Variants in EPB41L1 observed in about 807,000 individuals in gnomAD.
The protein encoded by EPB41L1 is erythrocyte membrane protein band 4.1 like 1, also known as band 4.1-like protein 1.
EPB41L1 carries 29 observed loss-of-function variants against 97.8 expected under a neutral mutation model. That is an observed-to-expected ratio of 0.30 (90% CI 0.22 to 0.40). EPB41L1 has a LOEUF of 0.40. Ranked by LOEUF, EPB41L1 falls within the 10% of genes least tolerant of loss-of-function variation. The pLI, the probability that EPB41L1 is intolerant of heterozygous loss-of-function variation, is 1.00. For missense variants in EPB41L1, 812 were observed against 1,162.3 expected (o/e 0.70, Z 4.38); for synonymous variants, 383 against 459.2 (o/e 0.83, Z 2.12).
At position 36,209,769 on chromosome 20, in the gene EPB41L1, G is replaced by C; in HGVS notation, c.1950G>C (p.Ser650=). 1 of 1,614,054 alleles carries C rather than the reference G, an allele frequency of 6.2e-7. No individual in the cohort carries two copies. The highest frequency in any genetic ancestry group is 1.6e-4 in the Middle Eastern group (1 of 6,062). Residue 650 remains serine (S), a synonymous_variant, in exon 15 of 22, where the codon TCG becomes TCC. Transcript: ENST00000338074. This position sits in a 1 kb window ranked among gnomAD's most constrained non-coding sequence, Gnocchi z 4.2. ...AGCTCGACCGGGACAAAAGCGACTC[G>C]GACACTGAGGGCCTGCTGTTCTCCC... ...LPELDRDKSD[S]DTEGLLFSRD...
chr20:36,164,903 C>T (rs994833935), intron 1 of EPB41L1, among the ~76,000 whole-genome samples: 4 of 152,102 alleles, frequency 2.6e-5, no homozygotes, highest in Non-Finnish European at 5.9e-5. Context: ...TTAGGCTGGT[C>T]TCGAACTCCT....
intron 1 of EPB41L1, among the ~76,000 whole-genome samples, chr20:36,160,940 A>G (rs998998508): frequency 6.6e-6 from 1 of 152,196 alleles, no homozygotes; most frequent in African/African-American, 2.4e-5. Flanking sequence ...AGTTGTTTCC[A>G]ATTTTACGGT....
At chr20:36,178,176 C>G in intron 4 of EPB41L1, 120 bp downstream of exon 4, 2 of 791,118 alleles carry the variant, frequency 2.5e-6, no homozygotes, top group South Asian at 2.9e-5. Context: ...TGCGTGTCCC[C>G]AAGGCTCAAC....
At chr20:36,187,243 G>A in intron 7 of EPB41L1, among the ~76,000 whole-genome samples, 1 of 152,186 alleles carries the variant, frequency 6.6e-6, no homozygotes, top group East Asian at 1.9e-4. Flanking sequence ...TGTTCCTTAG[G>A]AGAGATTAAG....
intron 2 of EPB41L1, among the ~76,000 whole-genome samples, chr20:36,144,407 A>G (rs556664864): frequency 1.7e-4 from 26 of 152,266 alleles, no homozygotes; most frequent in Non-Finnish European, 2.6e-4. Context: ...CATGGATCCA[A>G]CTGAACAGGC....
At chr20:36,103,972 G>A (rs2058106806) in intron 1 of EPB41L1, among the ~76,000 whole-genome samples, 1 of 152,140 alleles carries the variant, frequency 6.6e-6, no homozygotes, top group Non-Finnish European at 1.5e-5. Context: ...CCAAAGTGCT[G>A]GGATTACAGG....
intron 2 of EPB41L1, among the ~76,000 whole-genome samples, chr20:36,113,411 TGTG>T (rs1569036817): frequency 3.5e-5 from 1 of 28,710 alleles, no homozygotes; most frequent in East Asian, 8.2e-4. Context: ...TTTCCATTTG[TGTG>T]TGTGTGTGTG....
At chr20:36,173,722 G>A (rs1252752464) in intron 1 of EPB41L1, 42 bp from the exon 2 acceptor site, 3 of 1,585,838 alleles carry the variant, frequency 1.9e-6, no homozygotes, top group Non-Finnish European at 1.7e-6. Context: ...TCATACCATT[G>A]CTGTCCCTCC....
At position 36,202,810 on chromosome 20, in the gene EPB41L1, CAA is replaced by C. The variant is rs35492694; in HGVS notation, c.1668+4788_1668+4789del. On this transcript the variant is annotated intron_variant, in intron 14 of 21. Transcript: ENST00000338074. ...TGGAAGACAGAGCAAAACTCCGTCT[CAA>C]AAAAAAAAAAAAAAAAAAGGCAGGC... Among the ~76,000 whole-genome samples, 441 of 45,812 alleles carry C rather than the reference CAA, an allele frequency of 9.6e-3. 5 individuals are homozygous for C. Among genetic ancestry groups the C allele is most frequent in the African/African-American group, 0.03 (420 of 14,030 alleles). The allele number at this position is 45,812 out of a possible 152,430, so 30.1% of individuals were successfully genotyped here.
intron 12 of EPB41L1, among the ~76,000 whole-genome samples, chr20:36,194,826 A>G (rs995200604): frequency 6.6e-6 from 1 of 152,138 alleles, no homozygotes; most frequent in Non-Finnish European, 1.5e-5. Context: ...GTACACGCTC[A>G]TGCAGGATTG....
intron 2 of EPB41L1, among the ~76,000 whole-genome samples, chr20:36,131,251 A>G (rs1487328315): frequency 6.6e-6 from 1 of 152,112 alleles, no homozygotes; most frequent in African/African-American, 2.4e-5. Flanking sequence ...CTGGGATTTC[A>G]GGCATGAGCC....
chr20:36,107,569 C>T (rs1569022911), intron 1 of EPB41L1, among the ~76,000 whole-genome samples: 2 of 149,724 alleles, frequency 1.3e-5, no homozygotes, highest in East Asian at 4.0e-4. Flanking sequence ...GTGCCTCATG[C>T]CTGTAATCCC....
intron 1 of EPB41L1, chr20:36,091,773 C>T (rs1272248086): frequency 6.6e-6 from 1 of 152,178 alleles, no homozygotes; most frequent in Non-Finnish European, 1.5e-5. Context: ...GGCCCTGCCC[C>T]AGGAGCCCTA....
intron 17 of EPB41L1, among the ~76,000 whole-genome samples, chr20:36,216,022 G>A (rs570492414): frequency 1.3e-5 from 2 of 152,340 alleles, no homozygotes; most frequent in East Asian, 1.9e-4. Flanking sequence ...TCAAAGGGCT[G>A]ATGTGAGGGG....
intron 2 of EPB41L1, among the ~76,000 whole-genome samples, chr20:36,120,463 GTCCATACAT>G (rs1399858870): frequency 6.6e-6 from 1 of 152,202 alleles, no homozygotes; most frequent in Non-Finnish European, 1.5e-5. Flanking sequence ...AGGCCTTGAA[GTCCATACAT>G]TCCATGTGAC....
intron 1 of EPB41L1, among the ~76,000 whole-genome samples, chr20:36,108,277 G>T (rs1047742041): frequency 2.6e-5 from 4 of 152,062 alleles, no homozygotes; most frequent in Non-Finnish European, 5.9e-5. Flanking sequence ...ACCGTGCTGG[G>T]CCTATAGTAT....
chr20:36,213,301 T>G (rs1024240515), intron 16 of EPB41L1, among the ~76,000 whole-genome samples: 1 of 152,060 alleles, frequency 6.6e-6, no homozygotes, highest in African/African-American at 2.4e-5. Context: ...GGGAGGCTGA[T>G]GTAGGAGGAT....
chr20:36,126,345 G>C (rs1042531347), intron 2 of EPB41L1, among the ~76,000 whole-genome samples: 11 of 151,892 alleles, frequency 7.2e-5, no homozygotes, highest in African/African-American at 2.4e-4. Context: ...GTACAAAAAG[G>C]CAGTTCCAGT....
At chr20:36,153,781 GTCC>G (rs2060156480), upstream of EPB41L1, among the ~76,000 whole-genome samples, 1 of 152,190 alleles carries the variant, frequency 6.6e-6, no homozygotes, top group Non-Finnish European at 1.5e-5. Context: ...CCCTCCCAGA[GTCC>G]TCTGTGGCTT....
Sources: allele counts gnomAD v4.1 joint callset (sites outside exome capture counted in the v4.1 genomes callset), GRCh38; gene constraint gnomAD v4.1.1; non-coding constraint Gnocchi (gnomAD v3.1); transcripts MANE v1.5; gene names NCBI Gene and HGNC (gene_info 2026-07-23, HGNC 2026-07-21).